Variants in LYST observed in about 807,000 individuals in gnomAD.
The protein encoded by LYST is lysosomal-trafficking regulator.
LYST carries 192 observed loss-of-function variants against 413.6 expected under a neutral mutation model. The observed-to-expected ratio is 0.46, with a 90% confidence interval of 0.41 to 0.52. The LOEUF is 0.52. Ranked by LOEUF, LYST falls within the 20% of genes least tolerant of loss-of-function variation. LYST has a pLI of 0.00. For synonymous variants in LYST, 1,525 were observed against 1,567.3 expected (o/e 0.97, Z 0.64); for missense variants, 3,815 against 4,499.9 (o/e 0.85, Z 4.35).
At position 235,685,855 on chromosome 1, in the gene LYST, CA is replaced by C. The variant is rs533623866; in HGVS notation, c.10800+1093del. On this transcript the variant is annotated intron_variant, in intron 48 of 52. Transcript: ENST00000389793. ...AGTGAGACTCTGTCTTAAAACAAAA[CA>C]AAAAAAAAAAAACAAACAAAAAAAG... Among the ~76,000 whole-genome samples, 156 of 128,420 alleles carry C rather than the reference CA, an allele frequency of 1.2e-3. 1 individual carries two copies. Among genetic ancestry groups the C allele is most frequent in the African/African-American group, 3.4e-3 (124 of 35,980 alleles). The allele number at this position is 128,420 out of a possible 152,430, so 84.2% of individuals were successfully genotyped here.
chr1:235,672,569 G>A (rs1002151186), intron 50 of LYST, among the ~76,000 whole-genome samples: 3 of 152,118 alleles, frequency 2.0e-5, no homozygotes, highest in African/African-American at 4.8e-5. Flanking sequence ...GATAGAGTTT[G>A]TACTGCAAAT....
At chr1:235,785,927 A>G (rs1266896767) in intron 14 of LYST, among the ~76,000 whole-genome samples, 1 of 152,208 alleles carries the variant, frequency 6.6e-6, no homozygotes, top group African/African-American at 2.4e-5. Context: ...CCTATGTGGT[A>G]AAAATCATAC....
Position 235,709,170 on chromosome 1 carries a change from C to CA in LYST, c.10063dup (p.Cys3355LeufsTer5). On this transcript the variant is annotated frameshift_variant, in exon 44 of 53. Coordinates refer to ENST00000389793, the MANE Select transcript of LYST (RefSeq NM_000081.4). LOFTEE classifies it high-confidence loss of function. Reference sequence around the variant, plus strand: ...CCCAAACACCAAGTCAATCCACTGACAGATGTTCTGCGACACGTAGTCAGA... The same window carrying CA: ...CCCAAACACCAAGTCAATCCACTGACAAGATGTTCTGCGACACGTAGTCAGA... The CA allele has an allele frequency of 2.5e-6, 4 of 1,614,134 alleles. No individual in the cohort carries two copies. Among genetic ancestry groups the CA allele is most frequent in the Non-Finnish European group, 3.4e-6 (4 of 1,180,016 alleles).
At chr1:235,774,745 G>A (rs1669056892) in intron 18 of LYST, among the ~76,000 whole-genome samples, 168 bp downstream of exon 18, 1 of 152,130 alleles carries the variant, frequency 6.6e-6, no homozygotes, top group South Asian at 2.1e-4. Flanking sequence ...TTATTTAAAT[G>A]ATGAAAAGAA....
intron 47 of LYST, among the ~76,000 whole-genome samples, chr1:235,688,755 C>T (rs1050215412): frequency 3.3e-5 from 5 of 151,892 alleles, no homozygotes; most frequent in Admixed American, 6.6e-5. Context: ...GAGGCCGAGG[C>T]GGGCGGATCA....
chr1:235,800,826 G>C, intron 9 of LYST, 45 bp downstream of exon 9: 1 of 1,288,006 alleles, frequency 7.8e-7, no homozygotes. Context: ...ATTGGGTGAT[G>C]AGTCTGATAA....
At chr1:235,766,507 G>A (rs999596439) in intron 20 of LYST, among the ~76,000 whole-genome samples, 3 of 152,056 alleles carry the variant, frequency 2.0e-5, no homozygotes, top group African/African-American at 7.2e-5. Flanking sequence ...TCTAGCCCAT[G>A]TATCTTAATT....
rs1669085778 is a variant in LYST, at chr1:235,774,997, A to G, written c.5550T>C (p.His1850=). The change falls in exon 18 of 53, where the codon CAT becomes CAC. Residue 1850 remains histidine (H), a synonymous_variant. Coordinates refer to ENST00000389793, the MANE Select transcript of LYST (RefSeq NM_000081.4). ...SLIKYNQQRV[H]ELENCNGLSM... ...AAAGTCCATTACAATTTTCTAATTC[A>G]TGTACTCTTTGTTGGTTGTATTTAA... 2.5e-6 allele frequency: 4 copies of G among 1,609,792 alleles called. No individual in the cohort carries two copies. The highest frequency in any genetic ancestry group is 3.4e-6 in the Non-Finnish European group (4 of 1,177,038).
At chr1:235,663,891 A>T (rs1658225779) in intron 52 of LYST, 93 bp downstream of exon 52, 1 of 1,096,696 alleles carries the variant, frequency 9.1e-7, no homozygotes, top group Non-Finnish European at 1.4e-6. Context: ...CTTCAATTGC[A>T]CATTTCTTTA....
chr1:235,815,051 G>A (rs540892647), intron 3 of LYST, among the ~76,000 whole-genome samples: 3 of 152,266 alleles, frequency 2.0e-5, no homozygotes, highest in South Asian at 2.1e-4. Context: ...CCTCTGTGGG[G>A]AGACTTCTCT....
intron 22 of LYST, among the ~76,000 whole-genome samples, chr1:235,760,122 G>A (rs1175713757): frequency 2.0e-5 from 3 of 152,116 alleles, no homozygotes; most frequent in African/African-American, 7.2e-5. Flanking sequence ...CAGTTACCAG[G>A]ATGTAGTGGA....
chr1:235,699,542 A>T (rs6702250), intron 45 of LYST, among the ~76,000 whole-genome samples: 6,671 of 152,172 alleles, frequency 0.044, 506 homozygotes, highest in African/African-American at 0.15. Flanking sequence ...TAAACATACG[A>T]GTGCATGTGT....
At chr1:235,785,759 A>G (rs1670350517) in intron 14 of LYST, among the ~76,000 whole-genome samples, 1 of 152,204 alleles carries the variant, frequency 6.6e-6, no homozygotes, top group Non-Finnish European at 1.5e-5. Context: ...ACCATGCTAC[A>G]TTACAGTTTC....
At chr1:235,757,506 TTGA>T in intron 23 of LYST, 48 bp from the exon 24 acceptor site, 1 of 1,383,064 alleles carries the variant, frequency 7.2e-7, no homozygotes. Context: ...AGAAAAGTAC[TTGA>T]TGATTACCTT....
intron 28 of LYST, among the ~76,000 whole-genome samples, chr1:235,750,439 T>G (rs1666373798): frequency 6.6e-6 from 1 of 152,182 alleles, no homozygotes; most frequent in Non-Finnish European, 1.5e-5. Flanking sequence ...AGAAGTAGCT[T>G]AACACGGGTG....
At chr1:235,853,329 A>G (rs1431537378) in intron 1 of LYST, among the ~76,000 whole-genome samples, 2 of 152,242 alleles carry the variant, frequency 1.3e-5, no homozygotes, top group Admixed American at 6.5e-5. Context: ...TAGATGTTCT[A>G]TATTTAAAAT....
At chr1:235,765,176 T>C (rs993607364) in intron 21 of LYST, among the ~76,000 whole-genome samples, 5 of 152,172 alleles carry the variant, frequency 3.3e-5, no homozygotes, top group African/African-American at 1.2e-4. Context: ...ATATTATAAA[T>C]AACTGCAGGG....
rs1179853540 is a variant in LYST, at chr1:235,759,177, G to A, written c.6676C>T (p.Arg2226Ter). The stretch of plus-strand genomic sequence containing the variant: ...GCCAATCCCTTTAGGTAATCAGGTC[G>A]GCGTGGGCAGGACTCATCCCCAGGA... ...DSPGDESCPR[R>*]PDYLKGLASF... Residue 2226 changes from arginine (R) to a stop codon, truncating the protein, a stop_gained, in exon 23 of 53, where the codon CGA (arginine) becomes TGA (stop). Coordinates refer to ENST00000389793, the MANE Select transcript of LYST (RefSeq NM_000081.4). LOFTEE classifies it high-confidence loss of function. The A allele has an allele frequency of 1.9e-6, 3 of 1,613,970 alleles. No homozygotes were observed. Among genetic ancestry groups the A allele is most frequent in the African/African-American group, 1.3e-5 (1 of 74,910 alleles).
At chr1:235,716,091 A>C (rs1192564400) in intron 41 of LYST, among the ~76,000 whole-genome samples, 2 of 152,206 alleles carry the variant, frequency 1.3e-5, no homozygotes, top group African/African-American at 2.4e-5. Flanking sequence ...TGACAGTCAT[A>C]AGATGCTTAG....
Sources: gnomAD v4.1 joint callset for allele counts (sites outside exome capture counted in the v4.1 genomes callset) on GRCh38, gnomAD v4.1.1 for gene constraint, MANE v1.5 for transcripts, NCBI Gene and HGNC (gene_info 2026-07-23, HGNC 2026-07-21) for gene names.